The following VPS8 variants were observed in gnomAD, a reference collection of about 807,000 sequenced individuals.
VPS8 encodes the protein VPS8 subunit of CORVET complex.
In VPS8, 129 loss-of-function variants were observed where a neutral mutation model predicts 216.4. The observed-to-expected ratio is 0.60, with a 90% confidence interval of 0.52 to 0.69. The LOEUF (loss-of-function observed/expected upper bound fraction) is 0.69. Among genes scored for constraint, VPS8 ranks in the 30% least tolerant of loss-of-function variants. The pLI is 0.00. For missense variants in VPS8, 1,531 were observed against 1,683.5 expected (o/e 0.91, Z 1.59); for synonymous variants, 571 against 565.4 (o/e 1.01, Z -0.14).
At chr3:184,864,455 T>C (rs1726963560) in intron 16 of VPS8, among the ~76,000 whole-genome samples, 2 of 152,060 alleles carry the variant, frequency 1.3e-5, no homozygotes, top group African/African-American at 4.8e-5. Context: ...TTCCTCAGAC[T>C]CCTAATCAGC....
intron 45 of VPS8, among the ~76,000 whole-genome samples, chr3:185,021,273 G>T (rs1221007156): frequency 6.6e-6 from 1 of 152,122 alleles, no homozygotes; most frequent in Non-Finnish European, 1.5e-5. Flanking sequence ...TCTCTTTTAA[G>T]CTTCATTGCC....
At chr3:185,020,469 CTTT>C (rs577443262) in intron 45 of VPS8, among the ~76,000 whole-genome samples, 2 of 130,912 alleles carry the variant, frequency 1.5e-5, no homozygotes, top group Admixed American at 7.7e-5. Flanking sequence ...AAAATTAAGG[CTTT>C]TTTTTTTTTT....
intron 46 of VPS8, among the ~76,000 whole-genome samples, chr3:185,024,859 C>T (rs1757129422): frequency 1.3e-5 from 2 of 151,838 alleles, no homozygotes; most frequent in South Asian, 2.1e-4. Context: ...AAAATTAGCT[C>T]GGCGTGGTGG....
At chr3:184,958,259 G>C (rs1460671604) in intron 37 of VPS8, among the ~76,000 whole-genome samples, 1 of 152,128 alleles carries the variant, frequency 6.6e-6, no homozygotes, top group African/African-American at 2.4e-5. Flanking sequence ...ACAATCTCTT[G>C]GTTGTGAAAA....
chr3:184,984,194 A>AAAAAAAAACAAAAAAAAAAACTCACCAAG, intron 42 of VPS8, among the ~76,000 whole-genome samples: 1 of 46,532 alleles, frequency 2.1e-5, no homozygotes, highest in Admixed American at 4.3e-4. Context: ...AAAAAAAAAA[A>AAAAAAAAACAAAAAAAAAAACTCACCAAG]CTCTACTTCC....
chr3:184,825,281 C>T (rs1297517257), intron 2 of VPS8, among the ~76,000 whole-genome samples: 1 of 152,176 alleles, frequency 6.6e-6, no homozygotes, highest in Non-Finnish European at 1.5e-5. Context: ...CTCTGATAAT[C>T]CATTGTATAG....
chr3:184,962,543 A>AT (rs889671201), intron 37 of VPS8, among the ~76,000 whole-genome samples: 2 of 151,788 alleles, frequency 1.3e-5, no homozygotes, highest in Admixed American at 1.3e-4. Flanking sequence ...TCATTTGCCC[A>AT]TTTTTTCTGT....
intron 36 of VPS8, among the ~76,000 whole-genome samples, chr3:184,948,065 C>T (rs553370258): frequency 1.8e-4 from 28 of 152,178 alleles, no homozygotes; most frequent in African/African-American, 6.7e-4. Context: ...TAGTTTTCTT[C>T]TGAAACATAA....
intron 15 of VPS8, among the ~76,000 whole-genome samples, chr3:184,861,181 A>G (rs1051678382): frequency 6.6e-6 from 1 of 152,062 alleles, no homozygotes; most frequent in Admixed American, 6.5e-5. Context: ...TCTCTCTCAA[A>G]TGGTTCGTTA....
intron 23 of VPS8, among the ~76,000 whole-genome samples, chr3:184,897,076 G>T (rs1250018778): frequency 6.6e-6 from 1 of 152,194 alleles, no homozygotes; most frequent in Admixed American, 6.5e-5. Flanking sequence ...GCAGGGCAAG[G>T]TATAGATCTT....
chr3:184,868,876 G>A (rs911661713), intron 18 of VPS8, 70 bp from the exon 19 acceptor site: 49 of 1,383,332 alleles, frequency 3.5e-5, no homozygotes, highest in Admixed American at 1.1e-4. Context: ...AGGATTTTAG[G>A]TGGAATAGGA....
At chr3:184,983,130 C>A in intron 42 of VPS8, 36 bp downstream of exon 42, 1 of 1,496,422 alleles carries the variant, frequency 6.7e-7, no homozygotes, top group Non-Finnish European at 9.0e-7. Flanking sequence ...ATATTGATTT[C>A]AACTAACATT....
chr3:184,867,419 T>A (rs937241942), intron 17 of VPS8, among the ~76,000 whole-genome samples: 1 of 152,220 alleles, frequency 6.6e-6, no homozygotes, highest in Non-Finnish European at 1.5e-5. Flanking sequence ...TGGAGAAACA[T>A]TTCTTCATTA....
At chr3:184,919,534 C>G (rs1345743149) in intron 28 of VPS8, among the ~76,000 whole-genome samples, 1 of 152,016 alleles carries the variant, frequency 6.6e-6, no homozygotes, top group Non-Finnish European at 1.5e-5. Context: ...ATGTTATGTT[C>G]AAAGTATTTT....
chr3:184,871,813 C>T (rs1206314489), intron 21 of VPS8, among the ~76,000 whole-genome samples: 3 of 152,074 alleles, frequency 2.0e-5, no homozygotes, highest in Non-Finnish European at 4.4e-5. Flanking sequence ...GGCACAGGTC[C>T]TATCTTTTCA....
At chr3:185,047,199 C>T (rs574757781) in intron 46 of VPS8, among the ~76,000 whole-genome samples, 1 of 152,350 alleles carries the variant, frequency 6.6e-6, no homozygotes, top group East Asian at 1.9e-4. Flanking sequence ...TGGAGACTGG[C>T]TCTGTGCGCA....
Position 184,936,163 on chromosome 3 carries a change from G to A in VPS8, c.2899-83G>A, listed in dbSNP as rs192542900. 42 of 1,164,600 alleles carry A rather than the reference G, an allele frequency of 3.6e-5. No homozygotes were observed. The African/African-American group carries it at 5.8e-4, about 16-fold the overall frequency. 72.1% of individuals were successfully genotyped at this position (1,164,600 alleles called of 1,614,324 possible). ...GCATGGAAGCTTGCGACTGTATTGA[G>A]GTAGGTAATCGTGCCTCACATCTGT... On this transcript the variant is annotated intron_variant, in intron 34 of 47. Coordinates refer to ENST00000625842, the MANE Select transcript of VPS8 (RefSeq NM_001009921.3).
At chr3:184,851,755 C>G (rs543576084) in intron 10 of VPS8, among the ~76,000 whole-genome samples, 3 of 152,274 alleles carry the variant, frequency 2.0e-5, no homozygotes, top group East Asian at 3.9e-4. Context: ...CCATCCCTGA[C>G]TGGGAACCTG....
chr3:184,879,064 T>C (rs1729805396), intron 21 of VPS8, among the ~76,000 whole-genome samples: 1 of 152,238 alleles, frequency 6.6e-6, no homozygotes, highest in Admixed American at 6.5e-5. Flanking sequence ...CAAAGGAATC[T>C]GCATCTGTTA....
Sources: allele counts gnomAD v4.1 joint callset (sites outside exome capture counted in the v4.1 genomes callset), GRCh38; gene constraint gnomAD v4.1.1; transcripts MANE v1.5; gene names NCBI Gene and HGNC (gene_info 2026-07-23, HGNC 2026-07-21).